Variants in LINGO2 observed in about 807,000 individuals in gnomAD.
LINGO2 encodes leucine-rich repeat and immunoglobulin-like domain-containing nogo receptor-interacting protein 2.
In LINGO2, 14 loss-of-function variants were observed where a neutral mutation model predicts 30.6. The observed-to-expected ratio is 0.46, with a 90% CI of 0.30 to 0.72. The LOEUF is 0.72. Ranked by LOEUF, LINGO2 falls within the 30% of genes least tolerant of loss-of-function variation. The pLI, the probability that LINGO2 is intolerant of heterozygous loss-of-function variation, is 0.07. For synonymous variants in LINGO2, 317 were observed against 288.5 expected (o/e 1.10, Z -1.00); for missense variants, 729 against 751.7 (o/e 0.97, Z 0.35).
At chr9:27,982,065 C>T (rs1489126213) in intron 5 of LINGO2, among the ~76,000 whole-genome samples, 4 of 151,908 alleles carry the variant, frequency 2.6e-5, no homozygotes, top group Admixed American at 1.3e-4. Flanking sequence ...TTCCTTCCCT[C>T]ATGAAATTTT....
intron 1 of LINGO2, among the ~76,000 whole-genome samples, chr9:28,507,493 C>A (rs537758819): frequency 6.6e-6 from 1 of 152,192 alleles, no homozygotes; most frequent in African/African-American, 2.4e-5. Context: ...ATAGACATCT[C>A]TGACTTAAAT....
intron 4 of LINGO2, among the ~76,000 whole-genome samples, chr9:28,103,438 TTGTC>T (rs1826475127): frequency 6.6e-6 from 1 of 152,064 alleles, no homozygotes; most frequent in Admixed American, 6.6e-5. Context: ...CTAAGAAGCT[TTGTC>T]TGTTTCTATG....
the LINGO2 span, among the ~76,000 whole-genome samples, chr9:28,780,255 G>C: frequency 1.3e-5 from 2 of 152,118 alleles, no homozygotes; most frequent in Non-Finnish European, 2.9e-5. Context: ...ATCCAGAATA[G>C]CGCATAATAT....
chr9:28,672,177 G>T (rs955230374), upstream of LINGO2, among the ~76,000 whole-genome samples: 2 of 152,044 alleles, frequency 1.3e-5, no homozygotes, highest in African/African-American at 4.8e-5. Flanking sequence ...TAGCAAGAAA[G>T]GGAGCATTCA....
At chr9:28,607,062 AAATACC>A (rs1825724207) in intron 1 of LINGO2, among the ~76,000 whole-genome samples, 1 of 152,074 alleles carries the variant, frequency 6.6e-6, no homozygotes, top group African/African-American at 2.4e-5. Context: ...GAAATGTGGG[AAATACC>A]TGTCTTGGTA....
At chr9:28,261,682 A>G (rs1027845080) in intron 4 of LINGO2, among the ~76,000 whole-genome samples, 2 of 151,926 alleles carry the variant, frequency 1.3e-5, no homozygotes, top group Non-Finnish European at 2.9e-5. Flanking sequence ...GAGAAAAAAA[A>G]TCCACCTTAA....
the LINGO2 span, among the ~76,000 whole-genome samples, chr9:29,117,303 G>C: frequency 2.0e-5 from 3 of 152,054 alleles, no homozygotes; most frequent in African/African-American, 7.2e-5. Context: ...TCAGGGTGAA[G>C]GAAAAGAGAA....
chr9:29,012,666 T>C, the LINGO2 span, among the ~76,000 whole-genome samples: 5 of 152,080 alleles, frequency 3.3e-5, no homozygotes, highest in Non-Finnish European at 7.4e-5. Flanking sequence ...TTATAGAAAA[T>C]AGAAAAAATT....
At chr9:28,452,189 A>G (rs1315875011) in intron 2 of LINGO2, among the ~76,000 whole-genome samples, 1 of 151,818 alleles carries the variant, frequency 6.6e-6, no homozygotes, top group Non-Finnish European at 1.5e-5. Flanking sequence ...AACTAAGTCA[A>G]TATTCAGACA....
intron 3 of LINGO2, among the ~76,000 whole-genome samples, chr9:28,307,101 C>G (rs561686429): frequency 6.6e-6 from 1 of 152,008 alleles, no homozygotes; most frequent in South Asian, 2.1e-4. Flanking sequence ...CATTCTGATA[C>G]CAAAGCCCGG....
chr9:28,488,681 T>G (rs896722535), intron 1 of LINGO2, among the ~76,000 whole-genome samples: 5 of 152,158 alleles, frequency 3.3e-5, no homozygotes, highest in African/African-American at 1.2e-4. Flanking sequence ...GAGTCACATA[T>G]GTAGTTATTT....
chr9:28,961,360 T>C, the LINGO2 span, among the ~76,000 whole-genome samples: 72 of 152,284 alleles, frequency 4.7e-4, no homozygotes, highest in South Asian at 1.4e-3. Context: ...ACTTGGGGTA[T>C]ATATGGCTTA....
chr9:29,149,956 A>C, the LINGO2 span, among the ~76,000 whole-genome samples: 1 of 152,118 alleles, frequency 6.6e-6, no homozygotes, highest in African/African-American at 2.4e-5. Flanking sequence ...GACCGCTCCC[A>C]CTGGCTTGAT....
In LINGO2 at chr9:28,055,703, G is replaced by A. The variant is rs561292778; in HGVS notation, c.-86-43298C>T. Among the ~76,000 whole-genome samples, 5 of 152,220 alleles carry A rather than the reference G, an allele frequency of 3.3e-5. No homozygotes were observed. The South Asian group carries it at 1.0e-3, about 32-fold the overall frequency. ...CAAAATGCTTCTTTGTTAACTACCT[G>A]TTACTTAAAATTCTTTAAAAGATAT... On this transcript the variant is annotated intron_variant, in intron 4 of 5. Transcript: ENST00000379992.
chr9:28,553,467 G>A (rs1015077814), intron 1 of LINGO2, among the ~76,000 whole-genome samples: 4 of 151,976 alleles, frequency 2.6e-5, no homozygotes, highest in African/African-American at 7.2e-5. Context: ...AAAAAGAAAC[G>A]AGCAAAGTCT....
chr9:28,988,568 T>A, the LINGO2 span, among the ~76,000 whole-genome samples: 1 of 152,234 alleles, frequency 6.6e-6, no homozygotes, highest in African/African-American at 2.4e-5. Flanking sequence ...ATACTGACAT[T>A]TTGTTCACTG....
the LINGO2 span, among the ~76,000 whole-genome samples, chr9:29,016,675 T>C: frequency 1.8e-3 from 278 of 152,274 alleles, 1 homozygote; most frequent in Non-Finnish European, 3.2e-3. Context: ...AAAGCATCTA[T>C]AGCTACTTCA....
the LINGO2 span, among the ~76,000 whole-genome samples, chr9:28,684,121 T>C: frequency 2.0e-3 from 303 of 150,828 alleles, 1 homozygote; most frequent in African/African-American, 6.5e-3. Context: ...TTCCATTGTA[T>C]GCATCAATAA....
intron 1 of LINGO2, among the ~76,000 whole-genome samples, chr9:28,570,701 C>T (rs930299233): frequency 6.6e-6 from 1 of 151,280 alleles, no homozygotes; most frequent in Non-Finnish European, 1.5e-5. Flanking sequence ...AACTACAAAA[C>T]TCTATCTACT....
Sources: gnomAD v4.1 joint callset for allele counts (sites outside exome capture counted in the v4.1 genomes callset) on GRCh38, gnomAD v4.1.1 for gene constraint, MANE v1.5 for transcripts, NCBI Gene and HGNC (gene_info 2026-07-23, HGNC 2026-07-21) for gene names.